The following POLR3B variants were observed in gnomAD, a reference collection of about 807,000 sequenced individuals.
POLR3B encodes the protein RNA polymerase III subunit B, also known as DNA-directed RNA polymerase III subunit RPC2.
In POLR3B, 96 loss-of-function variants were observed where a neutral mutation model predicts 147.4. The observed-to-expected ratio is 0.65, with a 90% CI of 0.55 to 0.77. The LOEUF (loss-of-function observed/expected upper bound fraction) is 0.77. POLR3B is among the 30% of genes least tolerant of loss of function. POLR3B has a pLI of 0.00. For synonymous variants in POLR3B, 461 were observed against 485.9 expected (o/e 0.95, Z 0.67); for missense variants, 1,036 against 1,413.5 (o/e 0.73, Z 4.28).
intron 6 of POLR3B, among the ~76,000 whole-genome samples, chr12:106,376,100 C>G (rs2036675160): frequency 6.6e-6 from 1 of 152,216 alleles, no homozygotes; most frequent in Non-Finnish European, 1.5e-5. Flanking sequence ...CCCACCTTGG[C>G]CTCCCAAAGT....
At chr12:106,474,182 T>C (rs1298140826) in intron 23 of POLR3B, among the ~76,000 whole-genome samples, 1 of 128,844 alleles carries the variant, frequency 7.8e-6, no homozygotes, top group Non-Finnish European at 1.6e-5. Context: ...GATTTGCGTA[T>C]ATTGAACCAG....
rs766417611 is a variant in POLR3B at position 106,430,395 on chromosome 12, G to A, written c.1386G>A (p.Thr462=). Residue 462 remains threonine, a synonymous_variant, in exon 14 of 28, where the codon ACG becomes ACA. Coordinates refer to ENST00000228347, the MANE Select transcript of POLR3B (RefSeq NM_018082.6). ...MTRISSQFEK[T]RKVSGPRSLQ... is the part of the protein sequence containing the mutation. The stretch of plus-strand genomic sequence containing the variant: ...GAATCTCTTCCCAGTTTGAAAAAAC[G>A]AGAAAAGTGAGTGGTCCTCGCTCCC... The A allele has an allele frequency of 8.1e-5, 131 of 1,613,818 alleles. No individual in the cohort carries two copies. The highest frequency in any genetic ancestry group is 1.7e-4 in the Middle Eastern group (1 of 6,026).
At chr12:106,434,442 G>A (rs1438265036) in intron 16 of POLR3B, among the ~76,000 whole-genome samples, 3 of 151,970 alleles carry the variant, frequency 2.0e-5, no homozygotes, top group Non-Finnish European at 4.4e-5. Context: ...GCTGAAAAAA[G>A]GCAAGAATGA....
intron 23 of POLR3B, among the ~76,000 whole-genome samples, chr12:106,486,944 C>T (rs1231160560): frequency 4.6e-5 from 7 of 152,122 alleles, no homozygotes. Context: ...GTAAAAGCCA[C>T]AAAAAGAGGG....
chr12:106,501,716 T>C (rs1004808097), intron 26 of POLR3B, among the ~76,000 whole-genome samples: 1 of 152,242 alleles, frequency 6.6e-6, no homozygotes, highest in African/African-American at 2.4e-5. Context: ...AATATGGTCC[T>C]ATTTATAAAG....
chr12:106,405,125 C>T (rs2037132940), intron 10 of POLR3B, among the ~76,000 whole-genome samples: 1 of 152,090 alleles, frequency 6.6e-6, no homozygotes, highest in Non-Finnish European at 1.5e-5. Context: ...GTTTTGATTA[C>T]TTAGGTTTAG....
At chr12:106,437,586 T>C in intron 17 of POLR3B, 95 bp from the exon 18 acceptor site, 2 of 729,700 alleles carry the variant, frequency 2.7e-6, no homozygotes, top group Non-Finnish European at 5.0e-6. Context: ...GAAAGGTGCT[T>C]TGGGCCTAAA....
intron 9 of POLR3B, among the ~76,000 whole-genome samples, chr12:106,391,280 C>A (rs1304457603): frequency 6.6e-6 from 1 of 152,112 alleles, no homozygotes; most frequent in Non-Finnish European, 1.5e-5. Context: ...CCAGAGAGAG[C>A]ACTTTCAGAC....
At position 106,430,374 on chromosome 12, in the gene POLR3B, C is replaced by A. The variant is rs565387901; in HGVS notation, c.1365C>A (p.Ile455=). ...CCGCACTGGGCATGATGACAAGAAT[C>A]TCTTCCCAGTTTGAAAAAACGAGAA... The part of the protein sequence containing the change: ...YISALGMMTR[I]SSQFEKTRKV... Residue 455 remains isoleucine (I), a synonymous_variant, in exon 14 of 28, where the codon ATC becomes ATA. Transcript: ENST00000228347. 3 of 1,613,990 alleles carry A rather than the reference C, an allele frequency of 1.9e-6. No individual in the cohort carries two copies. Among genetic ancestry groups the A allele is most frequent in the African/African-American group, 2.7e-5 (2 of 75,040 alleles).
chr12:106,497,834 A>G (rs1287344567), intron 25 of POLR3B, among the ~76,000 whole-genome samples: 1 of 152,204 alleles, frequency 6.6e-6, no homozygotes, highest in East Asian at 1.9e-4. Context: ...GTTACCATCT[A>G]ATTTAAAACT....
intron 10 of POLR3B, among the ~76,000 whole-genome samples, chr12:106,403,911 T>A (rs1238013985): frequency 6.6e-6 from 1 of 151,734 alleles, no homozygotes; most frequent in Non-Finnish European, 1.5e-5. Context: ...TGTATACATA[T>A]GTAACAAACC....
chr12:106,400,630 A>C (rs1008274830), intron 10 of POLR3B, among the ~76,000 whole-genome samples: 5 of 152,266 alleles, frequency 3.3e-5, no homozygotes, highest in Admixed American at 1.3e-4. Context: ...ACTGTCTCTC[A>C]GACCACAGTG....
chr12:106,394,872 A>G (rs2036960116), intron 10 of POLR3B, among the ~76,000 whole-genome samples: 1 of 152,242 alleles, frequency 6.6e-6, no homozygotes, highest in African/African-American at 2.4e-5. Context: ...TATTGAAACT[A>G]ATAAAAGGAT....
chr12:106,409,027 TGTCTTGGGAGAA>T (rs2037186223), intron 11 of POLR3B, among the ~76,000 whole-genome samples: 1 of 152,176 alleles, frequency 6.6e-6, no homozygotes, highest in African/African-American at 2.4e-5. Context: ...TACTTATAAA[TGTCTTGGGAGAA>T]TCTACTACCA....
intron 23 of POLR3B, among the ~76,000 whole-genome samples, chr12:106,486,641 A>G (rs1271925887): frequency 1.3e-5 from 2 of 152,170 alleles, no homozygotes; most frequent in Non-Finnish European, 2.9e-5. Context: ...AGCTGCCACA[A>G]ATCCAGAATA....
chr12:106,500,122 A>G (rs1396135727), intron 25 of POLR3B: 9 of 455,894 alleles, frequency 2.0e-5, no homozygotes, highest in Non-Finnish European at 3.1e-5. Context: ...AATAGAGGTG[A>G]CAGTTCTTCC....
chr12:106,470,625 A>G (rs1287878726), intron 23 of POLR3B, among the ~76,000 whole-genome samples: 3 of 152,016 alleles, frequency 2.0e-5, no homozygotes, highest in Non-Finnish European at 4.4e-5. Flanking sequence ...TTGGTGACCT[A>G]TGGATGAGGT....
At chr12:106,370,583 C>T (rs2036590863) in intron 6 of POLR3B, among the ~76,000 whole-genome samples, 1 of 149,950 alleles carries the variant, frequency 6.7e-6, no homozygotes. Flanking sequence ...TTAAAATGTT[C>T]ATCTTGGTTT....
chr12:106,399,666 C>A (rs1164045073), intron 10 of POLR3B, among the ~76,000 whole-genome samples: 6 of 152,104 alleles, frequency 3.9e-5, no homozygotes, highest in Non-Finnish European at 8.8e-5. Flanking sequence ...GAGTGGGGGC[C>A]AATATTCAAC....
Sources: gnomAD v4.1 joint callset for allele counts (sites outside exome capture counted in the v4.1 genomes callset) on GRCh38, gnomAD v4.1.1 for gene constraint, MANE v1.5 for transcripts, NCBI Gene and HGNC (gene_info 2026-07-23, HGNC 2026-07-21) for gene names.